PXDNL: variants seen among roughly 807,000 people sequenced by gnomAD.
The protein encoded by PXDNL is peroxidasin like.
In PXDNL, 145 loss-of-function variants were observed where a neutral mutation model predicts 150.8. The ratio of observed to expected loss-of-function variants is 0.96; its 90% CI spans 0.84 to 1.10. The LOEUF (loss-of-function observed/expected upper bound fraction) is 1.10, where lower values mean the gene tolerates loss of function less well. PXDNL is among the 50% of genes least tolerant of loss of function. The pLI is 0.00. For missense variants in PXDNL, 2,087 were observed against 1,873.9 expected (o/e 1.11, Z -2.10); for synonymous variants, 757 against 725.7 (o/e 1.04, Z -0.69).
At chr8:51,749,661 T>C (rs1438800169) in intron 1 of PXDNL, among the ~76,000 whole-genome samples, 1 of 152,190 alleles carries the variant, frequency 6.6e-6, no homozygotes, top group Non-Finnish European at 1.5e-5. Flanking sequence ...TACTGTAGAC[T>C]TCATTAACAC....
At chr8:51,398,082 T>TAAAC (rs1808140667) in intron 17 of PXDNL, among the ~76,000 whole-genome samples, 1 of 152,224 alleles carries the variant, frequency 6.6e-6, no homozygotes, top group Non-Finnish European at 1.5e-5. Flanking sequence ...TTTCCCATTA[T>TAAAC]AAACAATCAC....
intron 1 of PXDNL, among the ~76,000 whole-genome samples, chr8:51,782,149 C>A (rs371475891): frequency 1.3e-5 from 2 of 152,270 alleles, no homozygotes; most frequent in South Asian, 2.1e-4. Flanking sequence ...CCACCCACAG[C>A]CTCCGGGGGC....
At chr8:51,321,551 C>A (rs2130599290) in intron 21 of PXDNL, among the ~76,000 whole-genome samples, 1 of 151,960 alleles carries the variant, frequency 6.6e-6, no homozygotes, top group East Asian at 1.9e-4. Flanking sequence ...AGATTTCCCC[C>A]ATGCTGTTCT....
chr8:51,371,210 T>G (rs937204929), intron 19 of PXDNL, among the ~76,000 whole-genome samples: 5 of 152,234 alleles, frequency 3.3e-5, no homozygotes, highest in Non-Finnish European at 5.9e-5. Context: ...TCTCTGGCCC[T>G]GGCTCCACCA....
chr8:51,330,515 G>C (rs1017534529), intron 21 of PXDNL, among the ~76,000 whole-genome samples: 2 of 152,078 alleles, frequency 1.3e-5, no homozygotes, highest in African/African-American at 4.8e-5. Flanking sequence ...CCACAGATTG[G>C]GTAGCCTAAA....
intron 3 of PXDNL, among the ~76,000 whole-genome samples, chr8:51,560,896 AATATC>A (rs1333602718): frequency 6.6e-6 from 1 of 151,534 alleles, no homozygotes; most frequent in African/African-American, 2.4e-5. Flanking sequence ...ATAAGGAGTT[AATATC>A]CAGAATATAC....
intron 1 of PXDNL, among the ~76,000 whole-genome samples, chr8:51,769,529 A>G (rs1006446767): frequency 6.6e-6 from 1 of 152,228 alleles, no homozygotes; most frequent in Admixed American, 6.5e-5. Context: ...CTGCCTTCAC[A>G]ACTATTAGCC....
chr8:51,391,350 T>A (rs963923667), intron 17 of PXDNL, among the ~76,000 whole-genome samples: 1 of 152,128 alleles, frequency 6.6e-6, no homozygotes, highest in African/African-American at 2.4e-5. Flanking sequence ...TAGTTTACAG[T>A]CCCACCAACA....
At chr8:51,787,449 T>C (rs1195449912) in intron 1 of PXDNL, among the ~76,000 whole-genome samples, 2 of 152,204 alleles carry the variant, frequency 1.3e-5, no homozygotes, top group Non-Finnish European at 2.9e-5. Context: ...CAAGAGTTTG[T>C]TGGAAGTGCA....
At chr8:51,431,468 T>C (rs770781966) in intron 12 of PXDNL, among the ~76,000 whole-genome samples, 9 of 152,238 alleles carry the variant, frequency 5.9e-5, no homozygotes, top group Non-Finnish European at 1.0e-4. Context: ...TGTATGAAAC[T>C]GCCTTTGTTC....
intron 2 of PXDNL, among the ~76,000 whole-genome samples, chr8:51,643,156 T>C (rs897722084): frequency 1.1e-4 from 17 of 152,186 alleles, no homozygotes; most frequent in African/African-American, 3.9e-4. Context: ...CCCATCAAGC[T>C]ACCAATGACT....
At position 51,453,416 on chromosome 8, in the gene PXDNL, A is replaced by G. The variant is rs1472909143; in HGVS notation, c.1249+103T>C. 2.5e-6 allele frequency: 3 copies of G among 1,198,352 alleles called. No homozygotes were observed. In the African/African-American group the frequency reaches 4.6e-5, roughly 18 times the overall value. 74.2% of individuals were successfully genotyped at this position (1,198,352 alleles called of 1,614,324 possible). A position where few individuals can be genotyped will look rare whatever the true frequency, so the allele number is the denominator to read the frequency against. On this transcript the variant is annotated intron_variant, in intron 10 of 22. Coordinates refer to ENST00000356297, the MANE Select transcript of PXDNL (RefSeq NM_144651.5). ...TTGTGTCAAAAAATAATTGGCAAATAAAAATATTTCTCCACTGATGTACAT... is the reference window on the plus strand; with the variant it reads ...TTGTGTCAAAAAATAATTGGCAAATGAAAATATTTCTCCACTGATGTACAT...
intron 1 of PXDNL, among the ~76,000 whole-genome samples, chr8:51,733,551 T>C (rs1816972794): frequency 6.6e-6 from 1 of 152,120 alleles, no homozygotes; most frequent in African/African-American, 2.4e-5. Flanking sequence ...CTGACGCCTG[T>C]AATCCCAGCA....
intron 1 of PXDNL, among the ~76,000 whole-genome samples, chr8:51,745,835 C>T (rs1323362546): frequency 6.6e-6 from 1 of 151,370 alleles, no homozygotes; most frequent in South Asian, 2.1e-4. Context: ...AGTGGTGCGA[C>T]CTCAGCTCAC....
chr8:51,327,455 A>T (rs1805548729), intron 21 of PXDNL, among the ~76,000 whole-genome samples: 1 of 152,198 alleles, frequency 6.6e-6, no homozygotes, highest in Non-Finnish European at 1.5e-5. Flanking sequence ...TAACCAATTC[A>T]TGTTGCTGAA....
intron 4 of PXDNL, among the ~76,000 whole-genome samples, chr8:51,521,015 T>A (rs902468270): frequency 1.3e-5 from 2 of 152,044 alleles, no homozygotes; most frequent in African/African-American, 4.8e-5. Context: ...GGAGGATTGC[T>A]AGACGCCAGG....
intron 17 of PXDNL, among the ~76,000 whole-genome samples, chr8:51,383,175 G>A (rs1807600094): frequency 6.6e-6 from 1 of 152,104 alleles, no homozygotes; most frequent in African/African-American, 2.4e-5. Flanking sequence ...CATTACTCTG[G>A]AGAATGTCAA....
intron 19 of PXDNL, among the ~76,000 whole-genome samples, chr8:51,358,083 A>G (rs1470621906): frequency 6.6e-6 from 1 of 152,240 alleles, no homozygotes; most frequent in Non-Finnish European, 1.5e-5. Context: ...CCAAAGGAGA[A>G]TTAGAATTAT....
intron 4 of PXDNL, among the ~76,000 whole-genome samples, chr8:51,514,157 A>C (rs1811484060): frequency 6.6e-6 from 1 of 152,232 alleles, no homozygotes; most frequent in South Asian, 2.1e-4. Flanking sequence ...TTGCATTGAG[A>C]ATAAATGGCT....
Sources: allele counts gnomAD v4.1 joint callset (sites outside exome capture counted in the v4.1 genomes callset), GRCh38; gene constraint gnomAD v4.1.1; transcripts MANE v1.5; gene names NCBI Gene and HGNC (gene_info 2026-07-23, HGNC 2026-07-21).